MGAT4C: variants seen among roughly 807,000 people sequenced by gnomAD.
MGAT4C encodes the protein alpha-1,3-mannosyl-glycoprotein 4-beta-N-acetylglucosaminyltransferase C.
In MGAT4C, 19 loss-of-function variants were observed where a neutral mutation model predicts 40.1. The ratio of observed to expected loss-of-function variants is 0.47; its 90% CI spans 0.33 to 0.70. The LOEUF (loss-of-function observed/expected upper bound fraction) is 0.70. MGAT4C is among the 30% of genes least tolerant of loss of function. The probability of loss-of-function intolerance (pLI) is 0.02; values close to 1 mark genes in which losing one functional copy is unlikely to be tolerated. For missense variants in MGAT4C, 491 were observed against 563.2 expected (o/e 0.87, Z 1.30); for synonymous variants, 181 against 187.1 (o/e 0.97, Z 0.27).
intron 2 of MGAT4C, among the ~76,000 whole-genome samples, chr12:86,030,719 T>C (rs1227805666): frequency 2.0e-5 from 3 of 151,772 alleles, no homozygotes; most frequent in Non-Finnish European, 4.4e-5. Flanking sequence ...CATTTTATTA[T>C]TAAATTATGC....
chr12:86,507,901 G>A (rs1038361780), intron 2 of MGAT4C, among the ~76,000 whole-genome samples: 2 of 151,850 alleles, frequency 1.3e-5, no homozygotes, highest in Non-Finnish European at 2.9e-5. Context: ...GTTCTTTGTG[G>A]TTCCATACAA....
intron 2 of MGAT4C, among the ~76,000 whole-genome samples, chr12:86,598,354 CAT>C (rs552535671): frequency 1.7e-3 from 261 of 152,090 alleles, no homozygotes; most frequent in African/African-American, 5.9e-3. Context: ...TTAAAACCTT[CAT>C]ATATATGTTT....
At chr12:86,603,216 G>GTATAA (rs904332204) in intron 2 of MGAT4C, among the ~76,000 whole-genome samples, 9 of 142,558 alleles carry the variant, frequency 6.3e-5, no homozygotes, top group Non-Finnish European at 9.0e-5. Context: ...ATACTATATA[G>GTATAA]TATAATATAA....
intron 4 of MGAT4C, among the ~76,000 whole-genome samples, chr12:86,269,987 G>C (rs10776954): frequency 0.85 from 129,756 of 152,148 alleles, 55,404 homozygotes; most frequent in East Asian, 0.95. Flanking sequence ...TGTTGTACAA[G>C]CATCACCATC....
intron 3 of MGAT4C, among the ~76,000 whole-genome samples, chr12:86,423,955 C>T (rs912645981): frequency 2.0e-5 from 3 of 152,088 alleles, no homozygotes; most frequent in Non-Finnish European, 4.4e-5. Flanking sequence ...ACTATGCTTT[C>T]GAGAGATACA....
intron 3 of MGAT4C, among the ~76,000 whole-genome samples, chr12:86,404,129 G>A (rs1369366194): frequency 6.6e-6 from 1 of 152,140 alleles, no homozygotes; most frequent in African/African-American, 2.4e-5. Context: ...ATTGCGGTGA[G>A]CTTTGATTGC....
At chr12:86,422,365 T>C (rs970081632) in intron 3 of MGAT4C, among the ~76,000 whole-genome samples, 1 of 152,162 alleles carries the variant, frequency 6.6e-6, no homozygotes, top group Non-Finnish European at 1.5e-5. Context: ...ATATAACTTA[T>C]GAGAAACCAA....
Position 85,989,554 on chromosome 12 carries a change from T to C in MGAT4C, c.-6-2A>G. 1 of 1,589,520 alleles carries C rather than the reference T, an allele frequency of 6.3e-7. No individual in the cohort carries two copies. The highest frequency in any genetic ancestry group is 8.6e-7 in the Non-Finnish European group (1 of 1,169,196). ...TTGATGAAATTTAAACATTCTCTTC[T>C]GTGGAAAAGAGACACAGAATTACTA... On this transcript the variant is annotated splice_acceptor_variant, in intron 2 of 4. Coordinates refer to ENST00000611864, the MANE Select transcript of MGAT4C (RefSeq NM_001351288.2). LOFTEE classifies it low-confidence loss of function (5UTR_SPLICE).
chr12:86,614,582 A>C (rs1415990400), intron 2 of MGAT4C, among the ~76,000 whole-genome samples: 2 of 152,004 alleles, frequency 1.3e-5, no homozygotes, highest in African/African-American at 4.8e-5. Context: ...AACTGTATAA[A>C]TTTAAATACC....
At chr12:86,729,632 C>G (rs931303401) in intron 1 of MGAT4C, among the ~76,000 whole-genome samples, 1 of 151,416 alleles carries the variant, frequency 6.6e-6, no homozygotes, top group Non-Finnish European at 1.5e-5. Context: ...AATTTATATG[C>G]ATATATATTA....
At chr12:86,024,149 A>G (rs2136877562) in intron 2 of MGAT4C, among the ~76,000 whole-genome samples, 1 of 151,972 alleles carries the variant, frequency 6.6e-6, no homozygotes, top group African/African-American at 2.4e-5. Context: ...TAAAATATGC[A>G]TATACCCATT....
intron 2 of MGAT4C, among the ~76,000 whole-genome samples, chr12:86,577,603 T>A (rs1481254741): frequency 6.6e-6 from 1 of 151,830 alleles, no homozygotes; most frequent in East Asian, 1.9e-4. Flanking sequence ...TATTAGCATA[T>A]GTTCAGCCAT....
At chr12:86,589,254 A>G (rs952228762) in intron 2 of MGAT4C, among the ~76,000 whole-genome samples, 3 of 152,026 alleles carry the variant, frequency 2.0e-5, no homozygotes, top group Admixed American at 2.0e-4. Flanking sequence ...ACAAACTACC[A>G]TCAGAGATTA....
At chr12:86,493,027 C>T (rs1184788350) in intron 2 of MGAT4C, among the ~76,000 whole-genome samples, 3 of 150,980 alleles carry the variant, frequency 2.0e-5, no homozygotes, top group Non-Finnish European at 2.9e-5. Context: ...ATTTATGCAG[C>T]CAAAAAACAC....
At chr12:86,600,760 A>G (rs1243295016) in intron 2 of MGAT4C, among the ~76,000 whole-genome samples, 3 of 152,124 alleles carry the variant, frequency 2.0e-5, no homozygotes, top group African/African-American at 7.2e-5. Flanking sequence ...CCTGTGCCCT[A>G]CTGAGTTGGT....
intron 3 of MGAT4C, among the ~76,000 whole-genome samples, chr12:86,351,147 G>A (rs1955151680): frequency 6.6e-6 from 1 of 151,810 alleles, no homozygotes; most frequent in Admixed American, 6.6e-5. Flanking sequence ...TCTCTGGCCT[G>A]GAAAAATGAA....
At chr12:86,566,682 A>T (rs1238504453) in intron 2 of MGAT4C, among the ~76,000 whole-genome samples, 1 of 145,766 alleles carries the variant, frequency 6.9e-6, no homozygotes, top group Non-Finnish European at 1.5e-5. Context: ...TAATACATAT[A>T]TGTATATATT....
intron 2 of MGAT4C, among the ~76,000 whole-genome samples, chr12:86,712,227 A>G (rs1950568452): frequency 6.6e-6 from 1 of 152,148 alleles, no homozygotes; most frequent in South Asian, 2.1e-4. Flanking sequence ...ATATTTTTGG[A>G]ATGTATACAT....
chr12:86,345,276 A>C (rs1566306291), intron 3 of MGAT4C, among the ~76,000 whole-genome samples: 1 of 150,574 alleles, frequency 6.6e-6, no homozygotes, highest in African/African-American at 2.5e-5. Context: ...ATTTTATTTT[A>C]TTTTTATTAT....
Sources: gnomAD v4.1 joint callset for allele counts (sites outside exome capture counted in the v4.1 genomes callset) on GRCh38, gnomAD v4.1.1 for gene constraint, MANE v1.5 for transcripts, NCBI Gene and HGNC (gene_info 2026-07-23, HGNC 2026-07-21) for gene names.